Variants in GRHL2 observed in about 807,000 individuals in gnomAD.
The protein encoded by GRHL2 is grainyhead-like protein 2 homolog.
In GRHL2, 21 loss-of-function variants were observed where a neutral mutation model predicts 83.8. The observed-to-expected ratio is 0.25, with a 90% CI of 0.18 to 0.36. The LOEUF is 0.36. GRHL2 is among the 10% of genes least tolerant of loss of function. The pLI is 1.00. For synonymous variants in GRHL2, 280 were observed against 278.9 expected (o/e 1.00, Z -0.04); for missense variants, 623 against 781.8 (o/e 0.80, Z 2.42).
chr8:101,638,715 C>T (rs1813339541), intron 12 of GRHL2, among the ~76,000 whole-genome samples: 2 of 152,208 alleles, frequency 1.3e-5, no homozygotes, highest in Non-Finnish European at 2.9e-5. Flanking sequence ...TTTCTAAATG[C>T]CTAATTAGAC....
At chr8:101,643,543 G>A (rs949364308) in intron 12 of GRHL2, among the ~76,000 whole-genome samples, 7 of 152,292 alleles carry the variant, frequency 4.6e-5, no homozygotes, top group Non-Finnish European at 1.0e-4. Flanking sequence ...AACCTCTCCC[G>A]AGAAGGAGCA....
intron 1 of GRHL2, among the ~76,000 whole-genome samples, chr8:101,527,249 G>A (rs1300218444): frequency 6.6e-6 from 1 of 152,214 alleles, no homozygotes; most frequent in East Asian, 1.9e-4. Flanking sequence ...TGTTACCCTT[G>A]AACTTTTAAT....
chr8:101,495,930 C>T (rs1586390625), intron 1 of GRHL2, among the ~76,000 whole-genome samples: 3 of 152,086 alleles, frequency 2.0e-5, no homozygotes, highest in Admixed American at 6.5e-5. Context: ...AGGTGGATCA[C>T]GAGGTCAGGA....
chr8:101,649,353 G>C (rs1411295417), intron 13 of GRHL2, 61 bp from the exon 14 acceptor site: 1 of 1,329,408 alleles, frequency 7.5e-7, no homozygotes, highest in Non-Finnish European at 1.1e-6. Flanking sequence ...ACAGTCCCCT[G>C]GAGCAGCTGT....
chr8:101,560,424 G>A (rs1291933766), intron 4 of GRHL2, among the ~76,000 whole-genome samples: 1 of 152,142 alleles, frequency 6.6e-6, no homozygotes, highest in African/African-American at 2.4e-5. Flanking sequence ...ATGGACATTT[G>A]GTTGCTTCCA....
At chr8:101,582,259 T>A (rs1473053686) in intron 7 of GRHL2, among the ~76,000 whole-genome samples, 2 of 145,110 alleles carry the variant, frequency 1.4e-5, no homozygotes, top group Non-Finnish European at 3.0e-5. Flanking sequence ...AAAATGGGAC[T>A]GACAAATTAT....
rs149381984 is a variant in GRHL2 at position 101,616,417 on chromosome 8, C to T, written c.1099-3122C>T. Among the ~76,000 whole-genome samples, 462 of 152,216 alleles carry T rather than the reference C, an allele frequency of 3.0e-3. 2 individuals carry two copies. The highest frequency in any genetic ancestry group is 0.01 in the African/African-American group (423 of 41,534). ...AACTCCTGACCTCTGGTGATCCACC[C>T]GCCTAAGCCTCTCAAAATGCTGGGA... On this transcript the variant is annotated intron_variant, in intron 8 of 15. Coordinates refer to ENST00000646743, the MANE Select transcript of GRHL2 (RefSeq NM_024915.4).
At chr8:101,552,012 T>C (rs921527234) in intron 2 of GRHL2, among the ~76,000 whole-genome samples, 1 of 152,018 alleles carries the variant, frequency 6.6e-6, no homozygotes, top group Admixed American at 6.6e-5. Context: ...ATTTTTTGTA[T>C]TTTTAGTAGA....
intron 1 of GRHL2, among the ~76,000 whole-genome samples, chr8:101,541,146 TGGTGTGTGTG>T (rs1229671644): frequency 1.9e-5 from 2 of 103,594 alleles, no homozygotes; most frequent in African/African-American, 6.7e-5. Flanking sequence ...TACTATTTCA[TGGTGTGTGTG>T]TGTGTGTGTG....
Position 101,649,464 on chromosome 8 carries a change from T to C in GRHL2, c.1663T>C (p.Leu555=), listed in dbSNP as rs1813577945. The change falls in exon 14 of 16, where the codon TTG becomes CTG. Residue 555 remains leucine, a synonymous_variant. Coordinates refer to ENST00000646743, the MANE Select transcript of GRHL2 (RefSeq NM_024915.4). Reference sequence around the variant, plus strand: ...TGACGATGTGTTCGATGCATTGATGTTGAAGTCTCCCACAGTGAAGGGCCT... The same window carrying C: ...TGACGATGTGTTCGATGCATTGATGCTGAAGTCTCCCACAGTGAAGGGCCT... The part of the protein sequence containing the change: ...ETDDVFDALM[L]KSPTVKGLME... The C allele has an allele frequency of 1.2e-6, 2 of 1,613,976 alleles. No individual in the cohort carries two copies. The highest frequency in any genetic ancestry group is 2.7e-5 in the African/African-American group (2 of 74,916).
At chr8:101,576,860 G>A (rs1370333691) in intron 6 of GRHL2, among the ~76,000 whole-genome samples, 1 of 152,126 alleles carries the variant, frequency 6.6e-6, no homozygotes, top group Non-Finnish European at 1.5e-5. Flanking sequence ...GTTTTTCAGT[G>A]TATGAAATAT....
At chr8:101,622,703 G>A (rs542766917) in intron 9 of GRHL2, among the ~76,000 whole-genome samples, 138 of 152,164 alleles carry the variant, frequency 9.1e-4, no homozygotes, top group Non-Finnish European at 1.4e-3. Flanking sequence ...TTATTTTTCC[G>A]TAAGTTATTG....
At chr8:101,650,826 A>G (rs1813607597) in intron 14 of GRHL2, among the ~76,000 whole-genome samples, 1 of 151,944 alleles carries the variant, frequency 6.6e-6, no homozygotes, top group Admixed American at 6.6e-5. Flanking sequence ...CTATCTATCT[A>G]TCTAGTATTC....
At chr8:101,654,380 T>C (rs1452653890) in intron 14 of GRHL2, among the ~76,000 whole-genome samples, 2 of 152,208 alleles carry the variant, frequency 1.3e-5, no homozygotes, top group Non-Finnish European at 2.9e-5. Context: ...ATATAGTCAG[T>C]AGATCTTAGC....
Position 101,570,429 on chromosome 8 carries a change from T to A in GRHL2, c.734+35T>A, listed in dbSNP as rs763340381. Reference sequence around the variant, plus strand: ...CAGGAGATGCATCCTTAGAAACTGATTAACTGATAAACCTTTAAATGTACC... The same window carrying A: ...CAGGAGATGCATCCTTAGAAACTGAATAACTGATAAACCTTTAAATGTACC... On this transcript the variant is annotated intron_variant, in intron 5 of 15. Coordinates refer to ENST00000646743, the MANE Select transcript of GRHL2 (RefSeq NM_024915.4). 3 of 1,520,256 alleles carry A rather than the reference T, an allele frequency of 2.0e-6. No individual in the cohort carries two copies. In the African/African-American group the frequency reaches 4.1e-5, roughly 21 times the overall value. The allele number at this position is 1,520,256 out of a possible 1,614,324, so 94.2% of individuals were successfully genotyped here. A position where few individuals can be genotyped will look rare whatever the true frequency, so the allele number is the denominator to read the frequency against.
chr8:101,675,335 A>T, the GRHL2 span, among the ~76,000 whole-genome samples: 41 of 152,048 alleles, frequency 2.7e-4, no homozygotes, highest in African/African-American at 9.9e-4. Context: ...AAAATCTCCT[A>T]AAGCTGATGA....
At chr8:101,630,990 C>T (rs926380398) in intron 9 of GRHL2, among the ~76,000 whole-genome samples, 3 of 152,122 alleles carry the variant, frequency 2.0e-5, no homozygotes, top group South Asian at 2.1e-4. Flanking sequence ...AGCCAAATTG[C>T]AAAAACAGAG....
the GRHL2 span, among the ~76,000 whole-genome samples, chr8:101,676,260 A>G: frequency 6.6e-6 from 1 of 152,036 alleles, no homozygotes; most frequent in African/African-American, 2.4e-5. Context: ...AACTACCATC[A>G]GAGTGAACAG....
intron 7 of GRHL2, among the ~76,000 whole-genome samples, chr8:101,579,145 C>A (rs1338307320): frequency 1.3e-5 from 2 of 152,106 alleles, no homozygotes; most frequent in African/African-American, 4.8e-5. Context: ...CTTGCCTTAA[C>A]CTGTTTAGTT....
Sources: gnomAD v4.1 joint callset for allele counts (sites outside exome capture counted in the v4.1 genomes callset) on GRCh38, gnomAD v4.1.1 for gene constraint, MANE v1.5 for transcripts, NCBI Gene and HGNC (gene_info 2026-07-23, HGNC 2026-07-21) for gene names.